GASK1B: variants seen among roughly 807,000 people sequenced by gnomAD.
GASK1B encodes the protein Golgi-associated kinase 1B.
In GASK1B, 34 loss-of-function variants were observed where a neutral mutation model predicts 42.8. That is an observed-to-expected ratio of 0.79 (90% CI 0.60 to 1.06). GASK1B has a LOEUF of 1.06. Ranked by LOEUF, GASK1B falls within the 50% of genes least tolerant of loss-of-function variation. The pLI, the probability that GASK1B is intolerant of heterozygous loss-of-function variation, is 0.00. For synonymous variants in GASK1B, 262 were observed against 259.1 expected, an observed-to-expected ratio of 1.01 and a Z score of -0.11; for missense variants, 686 against 661.0, an observed-to-expected ratio of 1.04 and a Z score of -0.42.
chr4:158,169,498 G>A (rs1027626914), intron 2 of GASK1B: 16 of 152,194 alleles, frequency 1.1e-4, no homozygotes, highest in Non-Finnish European at 2.9e-5. Context: ...TCCATTCTAG[G>A]CTCCCTGGGA....
intron 3 of GASK1B, among the ~76,000 whole-genome samples, chr4:158,146,714 G>A (rs1219390074): frequency 1.3e-5 from 2 of 152,138 alleles, no homozygotes; most frequent in Non-Finnish European, 2.9e-5. Flanking sequence ...ACACAATACA[G>A]TGTCTCTTTG....
intron 2 of GASK1B, 119 bp downstream of exon 2, chr4:158,170,347 G>A: frequency 3.1e-6 from 5 of 1,614,212 alleles, no homozygotes; most frequent in Non-Finnish European, 4.2e-6. Context: ...TGCTGCTGCT[G>A]CTGTCCAAAT....
At chr4:158,147,083 CA>C (rs1378185697) in intron 3 of GASK1B, among the ~76,000 whole-genome samples, 1 of 152,138 alleles carries the variant, frequency 6.6e-6, no homozygotes, top group African/African-American at 2.4e-5. Context: ...TTGCTTCAGG[CA>C]TAACTTTTCT....
intron 4 of GASK1B, 50 bp downstream of exon 4, chr4:158,130,736 A>T: frequency 7.3e-7 from 1 of 1,363,634 alleles, no homozygotes; most frequent in Non-Finnish European, 1.0e-6. Flanking sequence ...GAACCTTGCT[A>T]CTTATCTAAC....
At chr4:158,149,923 C>CTTTTTCTTTTTTTTTTTT (rs1731484453) in intron 3 of GASK1B, among the ~76,000 whole-genome samples, 1 of 67,178 alleles carries the variant, frequency 1.5e-5, no homozygotes, top group Non-Finnish European at 2.5e-5. Context: ...CTGCATGCTG[C>CTTTTTCTTTTTTTTTTTT]TTTTTTTTTT....
chr4:158,127,516 C>G lies in GASK1B; in HGVS notation c.1451G>C (p.Gly484Ala), dbSNP rs1410095807. 1 of 1,613,750 alleles carries G rather than the reference C, an allele frequency of 6.2e-7. No homozygotes were observed. The highest frequency in any genetic ancestry group is 8.5e-7 in the Non-Finnish European group (1 of 1,179,784). ...FLDKVYWESQGGRQGIEKLID... is the reference protein window; with the variant it reads ...FLDKVYWESQAGRQGIEKLID... ...AAGCTTTTCAATTCCTTGTCTACCT[C>G]CTTGACTTTCCCAATACACTTTATC... The change falls in exon 5 of 5, where the codon GGA becomes GCA. Residue 484 changes from glycine (G) to alanine (A), a missense_variant. Transcript: ENST00000585682.
At chr4:158,141,756 A>G (rs137859188) in intron 3 of GASK1B, among the ~76,000 whole-genome samples, 2,999 of 144,172 alleles carry the variant, frequency 0.021, 110 homozygotes, top group African/African-American at 0.07. Flanking sequence ...GCAGGCGCCC[A>G]CCACCACGCC....
intron 3 of GASK1B, among the ~76,000 whole-genome samples, chr4:158,134,659 T>A (rs980431318): frequency 6.6e-5 from 10 of 152,170 alleles, no homozygotes; most frequent in African/African-American, 2.4e-4. Flanking sequence ...AAAACCCAGG[T>A]GTTCCAGCCA....
At chr4:158,156,114 G>A (rs563578338) in intron 2 of GASK1B, among the ~76,000 whole-genome samples, 3 of 152,192 alleles carry the variant, frequency 2.0e-5, no homozygotes, top group South Asian at 2.1e-4. Flanking sequence ...CAATAACAAC[G>A]TCCTATGGTT....
At chr4:158,144,093 T>C (rs1304706339) in intron 3 of GASK1B, among the ~76,000 whole-genome samples, 1 of 152,196 alleles carries the variant, frequency 6.6e-6, no homozygotes, top group African/African-American at 2.4e-5. Context: ...TATGTACTTA[T>C]TTTATATCAC....
intron 4 of GASK1B, among the ~76,000 whole-genome samples, chr4:158,129,136 T>A (rs1730571467): frequency 6.6e-6 from 1 of 152,224 alleles, no homozygotes; most frequent in Non-Finnish European, 1.5e-5. Flanking sequence ...TGAATTATAT[T>A]TTCAAAGAAG....
At position 158,127,299 on chromosome 4, in the gene GASK1B, A is replaced by T. The variant is rs1730492557; in HGVS notation, c.*108T>A. On this transcript the variant is annotated 3_prime_UTR_variant, in exon 5 of 5. Coordinates refer to ENST00000585682, the MANE Select transcript of GASK1B (RefSeq NM_001128424.2). ...TTAAAGTCATTTATTTTACGTATTC[A>T]TCTACACTGCCTCATTGCTAAACGG... 1.1e-6 allele frequency: 1 copy of T among 870,260 alleles called. No homozygotes were observed. The highest frequency in any genetic ancestry group is 2.4e-5 in the East Asian group (1 of 41,356). 53.9% of individuals were successfully genotyped at this position (870,260 alleles called of 1,614,324 possible). A position where few individuals can be genotyped will look rare whatever the true frequency, so the allele number is the denominator to read the frequency against.
rs1210441622 is a variant in GASK1B, at chr4:158,142,186, C to A, written c.1126-11174G>T. Among the ~76,000 whole-genome samples the A allele has an allele frequency of 3.2e-3, 408 of 126,726 alleles. No individual in the cohort carries two copies. In the Middle Eastern group the frequency reaches 0.034, roughly 11 times the overall value. 83.1% of individuals were successfully genotyped at this position (126,726 alleles called of 152,430 possible). ...GTCTCGATCTCCTGACCTCATGATCCACCCGCCTCGGCCTCCCAAAGTGCT... is the reference window on the plus strand; with the variant it reads ...GTCTCGATCTCCTGACCTCATGATCAACCCGCCTCGGCCTCCCAAAGTGCT... On this transcript the variant is annotated intron_variant, in intron 3 of 4. Coordinates refer to ENST00000585682, the MANE Select transcript of GASK1B (RefSeq NM_001128424.2).
intron 3 of GASK1B, among the ~76,000 whole-genome samples, chr4:158,132,010 GTTAT>G (rs1281908112): frequency 6.6e-6 from 1 of 152,084 alleles, no homozygotes; most frequent in East Asian, 1.9e-4. Context: ...ACCATCCAAA[GTTAT>G]TTATCTCAAA....
At chr4:158,156,091 G>A (rs1731749547) in intron 2 of GASK1B, among the ~76,000 whole-genome samples, 1 of 152,094 alleles carries the variant, frequency 6.6e-6, no homozygotes, top group Non-Finnish European at 1.5e-5. Context: ...GGCAGGAATA[G>A]GCTACTAAGC....
chr4:158,139,889 T>C lies in GASK1B; in HGVS notation c.1126-8877A>G, dbSNP rs537084181. ...ACAACCATTGCACTATGGGATACAG[T>C]CGATGTGCTTTACACATTCTCATTT... On this transcript the variant is annotated intron_variant, in intron 3 of 4. Coordinates refer to ENST00000585682, the MANE Select transcript of GASK1B (RefSeq NM_001128424.2). Among the ~76,000 whole-genome samples the C allele has an allele frequency of 8.3e-4, 126 of 152,304 alleles. No individual in the cohort carries two copies. The South Asian group carries it at 0.017, about 20-fold the overall frequency.
intron 2 of GASK1B, among the ~76,000 whole-genome samples, chr4:158,167,366 C>T (rs892563807): frequency 2.0e-5 from 3 of 152,150 alleles, no homozygotes; most frequent in Admixed American, 2.0e-4. Context: ...GCCCTGTAAA[C>T]CTTTCATTTG....
intron 3 of GASK1B, among the ~76,000 whole-genome samples, chr4:158,154,424 G>A (rs957292837): frequency 6.6e-6 from 1 of 152,148 alleles, no homozygotes; most frequent in African/African-American, 2.4e-5. Context: ...ATGTAAACTA[G>A]TACAACTACT....
Position 158,126,551 on chromosome 4 carries a change from TATTAC to T in GASK1B, c.*851_*855del, listed in dbSNP as rs1730460702. ...TTATTAATAAAATATACATAAATTA[TATTAC>T]ATTGTTGGTAAAAGTAACAAAATTT... On this transcript the variant is annotated 3_prime_UTR_variant, in exon 5 of 5. Coordinates refer to ENST00000585682, the MANE Select transcript of GASK1B (RefSeq NM_001128424.2). The T allele has an allele frequency of 1.3e-5, 2 of 152,132 alleles. No homozygotes were observed. Among genetic ancestry groups the T allele is most frequent in the South Asian group, 4.1e-4 (2 of 4,830 alleles). 9.4% of individuals were successfully genotyped at this position (152,132 alleles called of 1,614,324 possible).
Sources: allele counts gnomAD v4.1 joint callset (sites outside exome capture counted in the v4.1 genomes callset), GRCh38; gene constraint gnomAD v4.1.1; transcripts MANE v1.5; gene names NCBI Gene and HGNC (gene_info 2026-07-23, HGNC 2026-07-21).